Variants in ST6GALNAC3 observed in about 807,000 individuals in gnomAD.
ST6GALNAC3 encodes ST6 N-acetylgalactosaminide alpha-2,6-sialyltransferase 3, also known as alpha-N-acetylgalactosaminide alpha-2,6-sialyltransferase 3.
In ST6GALNAC3, 25 loss-of-function variants were observed where a neutral mutation model predicts 32.7. The ratio of observed to expected loss-of-function variants is 0.76; its 90% CI spans 0.56 to 1.07. ST6GALNAC3 has a LOEUF of 1.07. ST6GALNAC3 is among the 50% of genes least tolerant of loss of function. ST6GALNAC3 has a pLI of 0.00. For missense variants in ST6GALNAC3, 355 were observed against 382.4 expected (o/e 0.93, Z 0.60); for synonymous variants, 129 against 133.1 (o/e 0.97, Z 0.21).
intron 3 of ST6GALNAC3, among the ~76,000 whole-genome samples, chr1:76,460,965 T>C (rs916967656): frequency 3.9e-5 from 6 of 152,162 alleles, no homozygotes; most frequent in Non-Finnish European, 5.9e-5. Flanking sequence ...TTTACAATGG[T>C]TGGTTTAGGC....
chr1:76,121,033 C>T (rs1648839432), intron 1 of ST6GALNAC3, among the ~76,000 whole-genome samples: 1 of 152,190 alleles, frequency 6.6e-6, no homozygotes, highest in Non-Finnish European at 1.5e-5. Flanking sequence ...CTGACTCTGG[C>T]CCTCCTTTCT....
intron 3 of ST6GALNAC3, among the ~76,000 whole-genome samples, chr1:76,421,572 A>G (rs1216602836): frequency 2.6e-5 from 4 of 152,076 alleles, no homozygotes; most frequent in Non-Finnish European, 5.9e-5. Context: ...AAAACAAAAT[A>G]CCCAAGTAAA....
At chr1:76,308,375 G>A (rs1041566075) in intron 1 of ST6GALNAC3, among the ~76,000 whole-genome samples, 5 of 151,996 alleles carry the variant, frequency 3.3e-5, no homozygotes, top group Non-Finnish European at 7.4e-5. Flanking sequence ...CTGATCTTAG[G>A]GGAATGACTG....
chr1:76,124,684 T>C (rs1371067864), intron 1 of ST6GALNAC3, among the ~76,000 whole-genome samples: 1 of 152,204 alleles, frequency 6.6e-6, no homozygotes, highest in Non-Finnish European at 1.5e-5. Flanking sequence ...AGTCTTTCTT[T>C]ATGTGGATTT....
At chr1:76,560,533 GAT>G (rs1665187585) in intron 3 of ST6GALNAC3, among the ~76,000 whole-genome samples, 2 of 152,168 alleles carry the variant, frequency 1.3e-5, no homozygotes, top group Non-Finnish European at 1.5e-5. Flanking sequence ...TATTTGAATA[GAT>G]ATTTCTCAAA....
chr1:76,517,803 A>G (rs1418433706), intron 3 of ST6GALNAC3, among the ~76,000 whole-genome samples: 1 of 151,996 alleles, frequency 6.6e-6, no homozygotes, highest in Non-Finnish European at 1.5e-5. Context: ...AAGATTTATT[A>G]AAATTGAGAT....
intron 3 of ST6GALNAC3, among the ~76,000 whole-genome samples, chr1:76,603,072 C>G (rs1196950472): frequency 6.6e-6 from 1 of 152,126 alleles, no homozygotes; most frequent in African/African-American, 2.4e-5. Context: ...AAATTTTAGT[C>G]TGAAAATATA....
intron 3 of ST6GALNAC3, among the ~76,000 whole-genome samples, chr1:76,601,951 A>C (rs772963197): frequency 2.6e-5 from 4 of 152,190 alleles, no homozygotes; most frequent in Non-Finnish European, 4.4e-5. Context: ...GTATCCTTCT[A>C]ACCAAATGAA....
intron 2 of ST6GALNAC3, among the ~76,000 whole-genome samples, chr1:76,343,476 G>C (rs1433551041): frequency 6.6e-6 from 1 of 152,204 alleles, no homozygotes; most frequent in African/African-American, 2.4e-5. Flanking sequence ...TGTATACTCT[G>C]AGTTCTGTGG....
chr1:76,380,198 G>A (rs1651593034), intron 2 of ST6GALNAC3, among the ~76,000 whole-genome samples: 1 of 152,122 alleles, frequency 6.6e-6, no homozygotes, highest in Non-Finnish European at 1.5e-5. Flanking sequence ...TGTGGGATGA[G>A]CAATGAATAA....
intron 1 of ST6GALNAC3, among the ~76,000 whole-genome samples, chr1:76,116,234 G>A (rs772798161): frequency 1.3e-5 from 2 of 152,166 alleles, no homozygotes; most frequent in Non-Finnish European, 2.9e-5. Context: ...AGGGACAGGA[G>A]CTCAGTGAGG....
At chr1:76,096,179 T>C (rs1298002552) in intron 1 of ST6GALNAC3, among the ~76,000 whole-genome samples, 1 of 152,170 alleles carries the variant, frequency 6.6e-6, no homozygotes, top group Non-Finnish European at 1.5e-5. Context: ...AAGAAACAAT[T>C]TTCTCTTGAA....
chr1:76,473,866 A>T (rs1322122766), intron 3 of ST6GALNAC3, among the ~76,000 whole-genome samples: 3 of 152,178 alleles, frequency 2.0e-5, no homozygotes, highest in Non-Finnish European at 4.4e-5. Flanking sequence ...CAAAAGTAGC[A>T]CAGTGTGACT....
chr1:76,343,159 C>G (rs960255423), intron 2 of ST6GALNAC3, among the ~76,000 whole-genome samples: 5 of 152,104 alleles, frequency 3.3e-5, no homozygotes, highest in Non-Finnish European at 7.4e-5. Flanking sequence ...AGTCCAATGT[C>G]TAGCAGAGTA....
At chr1:76,253,447 G>A (rs1359059365) in intron 1 of ST6GALNAC3, among the ~76,000 whole-genome samples, 6 of 151,980 alleles carry the variant, frequency 3.9e-5, no homozygotes, top group Admixed American at 1.3e-4. Context: ...ACGTGAACCC[G>A]AACTGACACA....
intron 3 of ST6GALNAC3, among the ~76,000 whole-genome samples, chr1:76,427,814 G>A (rs1472970430): frequency 1.3e-5 from 2 of 152,084 alleles, no homozygotes; most frequent in Non-Finnish European, 2.9e-5. Context: ...GCCCCGAAGG[G>A]CCTGTCTTGT....
intron 1 of ST6GALNAC3, among the ~76,000 whole-genome samples, chr1:76,274,687 T>C (rs905405914): frequency 1.3e-5 from 2 of 152,232 alleles, no homozygotes; most frequent in East Asian, 1.9e-4. Flanking sequence ...GTCTGATTTC[T>C]AATCTCTGAA....
intron 1 of ST6GALNAC3, among the ~76,000 whole-genome samples, chr1:76,259,211 A>G (rs1658090349): frequency 6.6e-6 from 1 of 152,172 alleles, no homozygotes; most frequent in Admixed American, 6.5e-5. Context: ...AGGTTACCAT[A>G]TGCTTACAAA....
chr1:76,194,010 A>G (rs1381704024), intron 1 of ST6GALNAC3, among the ~76,000 whole-genome samples: 1 of 152,162 alleles, frequency 6.6e-6, no homozygotes, highest in Non-Finnish European at 1.5e-5. Context: ...GGACTCCCAT[A>G]GATACATTTT....
Sources: gnomAD v4.1 joint callset for allele counts (sites outside exome capture counted in the v4.1 genomes callset) on GRCh38, gnomAD v4.1.1 for gene constraint, MANE v1.5 for transcripts, NCBI Gene and HGNC (gene_info 2026-07-23, HGNC 2026-07-21) for gene names.